Variants in BATF3 observed in about 807,000 individuals in gnomAD.
The protein encoded by BATF3 is basic leucine zipper ATF-like transcription factor 3.
In BATF3, 8 loss-of-function variants were observed where a neutral mutation model predicts 16.1. The observed-to-expected ratio is 0.50, with a 90% confidence interval of 0.29 to 0.90. BATF3 has a LOEUF of 0.90. Among genes scored for constraint, BATF3 ranks in the 40% least tolerant of loss-of-function variants. The pLI, the probability that BATF3 is intolerant of heterozygous loss-of-function variation, is 0.08. For synonymous variants in BATF3, 74 were observed against 72.7 expected (o/e 1.02, Z -0.09); for missense variants, 139 against 167.0 (o/e 0.83, Z 0.92).
intron 1 of BATF3, chr1:212,698,465 T>G (rs547597309): frequency 6.6e-6 from 1 of 152,272 alleles, no homozygotes; most frequent in Non-Finnish European, 1.5e-5. Context: ...GTCAGTGAAC[T>G]CTGCAGACTT....
chr1:212,696,593 G>GT (rs34930975), intron 2 of BATF3, among the ~76,000 whole-genome samples: 33,909 of 151,980 alleles, frequency 0.22, 4,122 homozygotes, highest in Non-Finnish European at 0.26. Context: ...GACAACAGGT[G>GT]TAACTACTCT....
intron 2 of BATF3, among the ~76,000 whole-genome samples, chr1:212,693,725 T>C (rs1657058919): frequency 6.6e-6 from 1 of 152,118 alleles, no homozygotes; most frequent in African/African-American, 2.4e-5. Context: ...ACTCTGAAGT[T>C]CCCAGGCACC....
intron 2 of BATF3, 108 bp downstream of exon 2, chr1:212,696,853 A>T: frequency 1.2e-6 from 1 of 813,610 alleles, no homozygotes; most frequent in Non-Finnish European, 2.1e-6. Flanking sequence ...CAGAAATTAG[A>T]TATGAGTGTT....
chr1:212,687,125 A>G (rs1329255461), intron 2 of BATF3, 146 bp from the exon 3 acceptor site: 1 of 641,100 alleles, frequency 1.6e-6, no homozygotes, highest in Non-Finnish European at 2.8e-6. Context: ...ATATTTGTCT[A>G]TTTGATGAGT....
chr1:212,693,459 C>T (rs1387174094), intron 2 of BATF3, among the ~76,000 whole-genome samples: 1 of 152,224 alleles, frequency 6.6e-6, no homozygotes, highest in Non-Finnish European at 1.5e-5. Context: ...CTCAATAAAG[C>T]TGGTCTTGCT....
intron 2 of BATF3, among the ~76,000 whole-genome samples, chr1:212,695,962 T>C (rs1657116407): frequency 6.6e-6 from 1 of 152,112 alleles, no homozygotes; most frequent in Non-Finnish European, 1.5e-5. Context: ...AAACGGACAA[T>C]AACACTCTTT....
intron 2 of BATF3, among the ~76,000 whole-genome samples, chr1:212,692,177 C>G (rs180915825): frequency 1.3e-5 from 2 of 152,080 alleles, no homozygotes; most frequent in Admixed American, 1.3e-4. Flanking sequence ...AGATGGAGAA[C>G]AAGGAGGGGA....
intron 2 of BATF3, among the ~76,000 whole-genome samples, chr1:212,693,069 C>T (rs576985907): frequency 2.2e-4 from 34 of 152,156 alleles, no homozygotes; most frequent in East Asian, 1.9e-4. Context: ...TGTCATGGCC[C>T]GCAGTAGTGT....
intron 2 of BATF3, among the ~76,000 whole-genome samples, chr1:212,691,461 GAA>G (rs1656997100): frequency 6.6e-6 from 1 of 152,202 alleles, no homozygotes; most frequent in Non-Finnish European, 1.5e-5. Flanking sequence ...ATGGTTACCA[GAA>G]GTAAGAGGCC....
chr1:212,692,491 G>A (rs1435995720), intron 2 of BATF3, among the ~76,000 whole-genome samples: 1 of 152,178 alleles, frequency 6.6e-6, no homozygotes, highest in Non-Finnish European at 1.5e-5. Context: ...AGGCTGGAGT[G>A]CAGTGGCGTG....
chr1:212,699,256 A>AC lies in BATF3; in HGVS notation c.90+416dup, dbSNP rs57901499. ...CGGCGTTCTCCATTCCCGCGGCAGCACCCCCCCCACCCGGGGGAATCCTGG... is the reference window on the plus strand; with the variant it reads ...CGGCGTTCTCCATTCCCGCGGCAGCACCCCCCCCCACCCGGGGGAATCCTGG... On this transcript the variant is annotated intron_variant, in intron 1 of 2. Coordinates refer to ENST00000243440, the MANE Select transcript of BATF3 (RefSeq NM_018664.3). The surrounding 1 kb of genome is among the most constrained non-coding windows in gnomAD (Gnocchi z 4.4). 0.11 allele frequency among the ~76,000 whole-genome samples: 17,041 copies of AC among 151,150 alleles called. 1,076 individuals carry two copies. The highest frequency in any genetic ancestry group is 0.19 in the Middle Eastern group (55 of 286).
At chr1:212,687,996 AAAGGAAGGAAGGAAGGAAGGAAGGAAGG>A (rs150731119) in intron 2 of BATF3, among the ~76,000 whole-genome samples, 6 of 101,240 alleles carry the variant, frequency 5.9e-5, no homozygotes, top group Admixed American at 1.0e-4. Flanking sequence ...AGAAAGAAAG[AAAGGAAGGAAGGAAGGAAGGAAGGAAGG>A]AAGGAAGGAA....
chr1:212,699,835 T>C lies in BATF3; in HGVS notation c.-73A>G. On this transcript the variant is annotated 5_prime_UTR_variant, in exon 1 of 3. Coordinates refer to ENST00000243440, the MANE Select transcript of BATF3 (RefSeq NM_018664.3). This position sits in a 1 kb window ranked among gnomAD's most constrained non-coding sequence, Gnocchi z 4.4. ...TGCCCGTGGGGCTGCCTACGGGCGC[T>C]GTCCCGCCGCCGGCATCCTCGTGCC... 1 of 919,070 alleles carries C rather than the reference T, an allele frequency of 1.1e-6. No homozygotes were observed. 56.9% of individuals were successfully genotyped at this position (919,070 alleles called of 1,614,324 possible).
chr1:212,686,743 T>C lies in BATF3; in HGVS notation c.*48A>G. 6.4e-7 allele frequency: 1 copy of C among 1,574,038 alleles called. No individual in the cohort carries two copies. The highest frequency in any genetic ancestry group is 8.6e-7 in the Non-Finnish European group (1 of 1,159,204). On this transcript the variant is annotated 3_prime_UTR_variant, in exon 3 of 3. Transcript: ENST00000243440. ...GTGAAGGAAAAGCCTTCCTCCCAGG[T>C]ATGAAAATGACCAAGGCTCCTTGCT...
intron 2 of BATF3, among the ~76,000 whole-genome samples, chr1:212,692,582 C>T (rs12084844): frequency 0.051 from 7,802 of 152,154 alleles, 684 homozygotes; most frequent in African/African-American, 0.17. Context: ...GAACTACAGG[C>T]GCACGCCACC....
At chr1:212,687,375 T>C in intron 2 of BATF3, 1 of 197,998 alleles carries the variant, frequency 5.1e-6, no homozygotes, top group Non-Finnish European at 1.1e-5. Context: ...CCCCAGCACC[T>C]AGAACAGTAC....
At chr1:212,695,491 A>G (rs1422751727) in intron 2 of BATF3, among the ~76,000 whole-genome samples, 3 of 3,518 alleles carry the variant, frequency 8.5e-4, no homozygotes, top group Admixed American at 0.013. Context: ...ACTCTGTCTC[A>G]AAAAAAAAAA....
At chr1:212,695,506 A>C (rs1457553373) in intron 2 of BATF3, among the ~76,000 whole-genome samples, 29 of 150,750 alleles carry the variant, frequency 1.9e-4, no homozygotes, top group Non-Finnish European at 1.5e-4. Context: ...AAAAAAAAAA[A>C]AAAAAAAAAA....
chr1:212,690,040 C>T (rs1656965617), intron 2 of BATF3, among the ~76,000 whole-genome samples: 1 of 151,686 alleles, frequency 6.6e-6, no homozygotes, highest in Non-Finnish European at 1.5e-5. Context: ...AACTCAGACT[C>T]ACATGCAGAC....
Sources: gnomAD v4.1 joint callset for allele counts (sites outside exome capture counted in the v4.1 genomes callset) on GRCh38, gnomAD v4.1.1 for gene constraint, Gnocchi (gnomAD v3.1) non-coding constraint, MANE v1.5 for transcripts, NCBI Gene and HGNC (gene_info 2026-07-23, HGNC 2026-07-21) for gene names.